The following VTI1A variants were observed in gnomAD, a reference collection of about 807,000 sequenced individuals.
The protein encoded by VTI1A is vesicle transport through interaction with t-SNAREs homolog 1A.
A neutral mutation model predicts 34.9 loss-of-function variants in VTI1A; 22 were observed. The ratio of observed to expected loss-of-function variants is 0.63; its 90% CI spans 0.45 to 0.90. The LOEUF (loss-of-function observed/expected upper bound fraction) is 0.90. Among genes scored for constraint, VTI1A ranks in the 40% least tolerant of loss-of-function variants. The pLI is 0.00. For missense variants in VTI1A, 268 were observed against 275.6 expected (o/e 0.97, Z 0.20); for synonymous variants, 87 against 97.3 (o/e 0.89, Z 0.62).
At chr10:112,650,320 C>G (rs961335696) in intron 5 of VTI1A, among the ~76,000 whole-genome samples, 1 of 152,132 alleles carries the variant, frequency 6.6e-6, no homozygotes, top group Non-Finnish European at 1.5e-5. Flanking sequence ...ATCAGTATCA[C>G]TGTCTTCTAC....
intron 7 of VTI1A, among the ~76,000 whole-genome samples, chr10:112,739,940 A>AT (rs137900118): frequency 3.9e-4 from 59 of 152,280 alleles, no homozygotes; most frequent in East Asian, 1.2e-3. Flanking sequence ...AAAATTAATC[A>AT]TTTTTTTTAA....
Position 112,527,082 on chromosome 10 carries a change from T to C in VTI1A, c.265-5T>C, listed in dbSNP as rs750863108. 1.2e-6 allele frequency: 2 copies of C among 1,612,512 alleles called. No individual in the cohort carries two copies. Among genetic ancestry groups the C allele is most frequent in the South Asian group, 1.1e-5 (1 of 90,776 alleles). On this transcript the variant is annotated splice_polypyrimidine_tract_variant and splice_region_variant and intron_variant, in intron 3 of 7. Coordinates refer to ENST00000393077, the MANE Select transcript of VTI1A (RefSeq NM_145206.4). ...CACTCTCTCCCTTTTTGTTTTGTTT[T>C]ATAGAAAAGGTCACGGATCGCCTAC...
chr10:112,479,641 G>A (rs1037761985), intron 3 of VTI1A, among the ~76,000 whole-genome samples: 6 of 152,120 alleles, frequency 3.9e-5, no homozygotes, highest in African/African-American at 9.7e-5. Context: ...ACCATTAACA[G>A]TGCAGTTTCA....
chr10:112,553,588 C>A (rs904100545), intron 5 of VTI1A, among the ~76,000 whole-genome samples: 2 of 152,170 alleles, frequency 1.3e-5, no homozygotes, highest in Non-Finnish European at 2.9e-5. Flanking sequence ...GGCAGACAGC[C>A]CTTTCAGGTA....
intron 7 of VTI1A, among the ~76,000 whole-genome samples, chr10:112,779,481 C>G (rs1257460760): frequency 1.3e-5 from 2 of 152,202 alleles, no homozygotes; most frequent in African/African-American, 4.8e-5. Context: ...ATTGTCCTCT[C>G]TTTTTCAGCT....
chr10:112,833,171 A>T, the VTI1A span, among the ~76,000 whole-genome samples: 1 of 151,750 alleles, frequency 6.6e-6, no homozygotes, highest in Admixed American at 6.6e-5. Context: ...TTGCTAATCG[A>T]TCCTGGCTCT....
intron 5 of VTI1A, among the ~76,000 whole-genome samples, chr10:112,577,940 C>T (rs1047116987): frequency 6.6e-6 from 1 of 152,148 alleles, no homozygotes; most frequent in African/African-American, 2.4e-5. Flanking sequence ...ATTCTCATTT[C>T]TTCTTTTGAA....
At chr10:112,666,721 T>A (rs1847653897) in intron 5 of VTI1A, among the ~76,000 whole-genome samples, 1 of 152,144 alleles carries the variant, frequency 6.6e-6, no homozygotes, top group Admixed American at 6.6e-5. Context: ...ATCCTGTGAA[T>A]AAGATTTTAG....
rs553016668 is a variant in VTI1A, at chr10:112,641,668, C to T, written c.428-26550C>T. Among the ~76,000 whole-genome samples, 40 of 152,318 alleles carry T rather than the reference C, an allele frequency of 2.6e-4. No homozygotes were observed. The South Asian group carries it at 8.3e-3, about 32-fold the overall frequency. On this transcript the variant is annotated intron_variant, in intron 5 of 7. Coordinates refer to ENST00000393077, the MANE Select transcript of VTI1A (RefSeq NM_145206.4). ...TCTTCTTCTCTATTACCTTTAGTAT[C>T]CTGTCCCTTCCAAATGTTCCTTTCC...
chr10:112,469,976 T>C lies in VTI1A; in HGVS notation c.264+5319T>C, dbSNP rs561714636. ...TGGGCTCCCCCTCCGTGTGCTGCAA[T>C]TGGGAAAGTGCCTCCAGGCTGAGAG... On this transcript the variant is annotated intron_variant, in intron 3 of 7. Transcript: ENST00000393077. Among the ~76,000 whole-genome samples the C allele has an allele frequency of 2.6e-5, 4 of 152,304 alleles. No homozygotes were observed. In the East Asian group the frequency reaches 5.8e-4, roughly 22 times the overall value.
intron 5 of VTI1A, among the ~76,000 whole-genome samples, chr10:112,606,672 C>G (rs950337650): frequency 6.6e-6 from 1 of 152,202 alleles, no homozygotes; most frequent in Non-Finnish European, 1.5e-5. Flanking sequence ...CATAGCTCAG[C>G]TGCCCACTAG....
the VTI1A span, among the ~76,000 whole-genome samples, chr10:112,840,104 C>T: frequency 6.6e-6 from 1 of 152,064 alleles, no homozygotes; most frequent in Non-Finnish European, 1.5e-5. Flanking sequence ...AGGAAACCAA[C>T]CCCTTAGCTA....
chr10:112,478,585 T>G (rs1848358483), intron 3 of VTI1A, among the ~76,000 whole-genome samples: 2 of 152,334 alleles, frequency 1.3e-5, no homozygotes, highest in South Asian at 4.1e-4. Context: ...TCCATCTCAT[T>G]CTTGAATATG....
At chr10:112,737,744 C>T (rs1850544846) in intron 7 of VTI1A, 2 of 1,059,698 alleles carry the variant, frequency 1.9e-6, no homozygotes, top group Non-Finnish European at 2.3e-6. Flanking sequence ...CTCTGGCCGC[C>T]TTTCCTCTCA....
intron 7 of VTI1A, among the ~76,000 whole-genome samples, chr10:112,777,793 G>A (rs549924797): frequency 2.2e-4 from 33 of 152,234 alleles, no homozygotes; most frequent in African/African-American, 7.9e-4. Context: ...AACTTTCACA[G>A]AAGCAAATAC....
intron 5 of VTI1A, among the ~76,000 whole-genome samples, chr10:112,556,891 A>G (rs538921330): frequency 8.7e-4 from 133 of 152,218 alleles, no homozygotes; most frequent in African/African-American, 3.2e-3. Flanking sequence ...TACAGCTGGC[A>G]TAAGCCTTGG....
At chr10:112,576,316 G>T (rs79058363) in intron 5 of VTI1A, among the ~76,000 whole-genome samples, 4,260 of 151,082 alleles carry the variant, frequency 0.028, 237 homozygotes, top group East Asian at 0.14. Context: ...CACCGCGCCC[G>T]GCCCCCTGCC....
intron 5 of VTI1A, among the ~76,000 whole-genome samples, chr10:112,609,870 G>A (rs763845616): frequency 1.3e-4 from 20 of 152,086 alleles, no homozygotes; most frequent in Admixed American, 2.6e-4. Flanking sequence ...ATGGCCCTTA[G>A]GCAAATGGCT....
At chr10:112,592,823 G>T (rs186101991) in intron 5 of VTI1A, among the ~76,000 whole-genome samples, 103 of 152,316 alleles carry the variant, frequency 6.8e-4, no homozygotes, top group East Asian at 5.8e-4. Flanking sequence ...TCAGTCCACA[G>T]GAAGAAAGGA....
Sources: allele counts gnomAD v4.1 joint callset (sites outside exome capture counted in the v4.1 genomes callset), GRCh38; gene constraint gnomAD v4.1.1; transcripts MANE v1.5; gene names NCBI Gene and HGNC (gene_info 2026-07-23, HGNC 2026-07-21).